CCDC57: variants seen among roughly 807,000 people sequenced by gnomAD.
CCDC57 encodes coiled-coil domain-containing protein 57.
A neutral mutation model predicts 118.9 loss-of-function variants in CCDC57; 118 were observed. That is an observed-to-expected ratio of 0.99 (90% CI 0.86 to 1.16). The LOEUF is 1.16. Ranked by LOEUF, CCDC57 falls within the 50% of genes most tolerant of loss-of-function variation. The pLI is 0.00. For synonymous variants in CCDC57, 527 were observed against 532.9 expected (o/e 0.99, Z 0.15); for missense variants, 1,300 against 1,320.7 (o/e 0.98, Z 0.24).
intron 5 of CCDC57, 170 bp from the exon 5 acceptor site, chr17:82,194,309 C>CTTTTTTTTTTTTTTTTT (rs10626911): frequency 2.1e-6 from 1 of 486,652 alleles, no homozygotes. Flanking sequence ...GACTCAATGA[C>CTTTTTTTTTTTTTTTTT]TTTTTTTTTT....
At chr17:82,190,681 G>A (rs1374051385) in intron 7 of CCDC57, among the ~76,000 whole-genome samples, 5 of 140,914 alleles carry the variant, frequency 3.5e-5, no homozygotes, top group Non-Finnish European at 6.0e-5. Flanking sequence ...GGGCAACAGA[G>A]CGAGACTCTG....
At chr17:82,205,560 C>T (rs938143261) in intron 2 of CCDC57, among the ~76,000 whole-genome samples, 1 of 152,204 alleles carries the variant, frequency 6.6e-6, no homozygotes, top group African/African-American at 2.4e-5. Context: ...TTCCTGTGCA[C>T]GTGCTACTCC....
chr17:82,176,428 T>C (rs116595319), intron 11 of CCDC57, among the ~76,000 whole-genome samples: 221 of 152,352 alleles, frequency 1.5e-3, no homozygotes, highest in African/African-American at 4.8e-3. Flanking sequence ...TTACCTCAAG[T>C]AGCGGAGCAT....
chr17:82,202,490 C>T lies in CCDC57; in HGVS notation c.-8-538G>A, dbSNP rs569183857. On this transcript the variant is annotated intron_variant, in intron 2 of 19. Transcript: ENST00000665763. ...AAAGGCCAGGCATGGTGGCTCACTCCTGTAATCCCAGCCCTTTGGGAGGCC... is the reference window on the plus strand; with the variant it reads ...AAAGGCCAGGCATGGTGGCTCACTCTTGTAATCCCAGCCCTTTGGGAGGCC... Among the ~76,000 whole-genome samples the T allele has an allele frequency of 5.3e-4, 80 of 151,836 alleles. 1 individual carries two copies. The South Asian group carries it at 0.017, about 32-fold the overall frequency.
At chr17:82,206,516 A>T (rs189224632) in intron 2 of CCDC57, among the ~76,000 whole-genome samples, 1 of 142,588 alleles carries the variant, frequency 7.0e-6, no homozygotes, top group Non-Finnish European at 1.5e-5. Flanking sequence ...TAAACACCCA[A>T]GAGGACAGGG....
At chr17:82,183,623 C>G in intron 9 of CCDC57, 151 bp downstream of exon 8, 1 of 765,830 alleles carries the variant, frequency 1.3e-6, no homozygotes, top group South Asian at 2.2e-5. Context: ...CCTGCGTGAC[C>G]AGACATTCTA....
chr17:82,189,809 C>A (rs902000306), intron 7 of CCDC57, among the ~76,000 whole-genome samples: 1 of 152,094 alleles, frequency 6.6e-6, no homozygotes, highest in African/African-American at 2.4e-5. Context: ...CCCGAGATCG[C>A]ACCACCAGCC....
intron 2 of CCDC57, among the ~76,000 whole-genome samples, chr17:82,206,069 C>CCA (rs35831755): frequency 0.76 from 115,308 of 152,074 alleles, 44,443 homozygotes; most frequent in East Asian, 0.93. Flanking sequence ...TCAAGAAGGA[C>CCA]CATGAAGCTT....
intron 17 of CCDC57, among the ~76,000 whole-genome samples, chr17:82,129,878 G>A (rs1047879817): frequency 1.1e-4 from 16 of 151,188 alleles, no homozygotes; most frequent in Non-Finnish European, 1.6e-4. Flanking sequence ...GCAACAGAGC[G>A]AAACTCTGTC....
intron 8 of CCDC57, 109 bp downstream of exon 7, chr17:82,188,110 G>C: frequency 1.2e-6 from 1 of 865,066 alleles, no homozygotes; most frequent in African/African-American, 1.8e-5. Context: ...AAGCCACTCT[G>C]TCTGCTGCCT....
At chr17:82,142,076 A>G (rs1210094458) in intron 16 of CCDC57, among the ~76,000 whole-genome samples, 1 of 152,240 alleles carries the variant, frequency 6.6e-6, no homozygotes, top group Non-Finnish European at 1.5e-5. Context: ...AACTGGTTAC[A>G]GCATCTGTCC....
At chr17:82,153,624 T>C (rs2042329260) in intron 15 of CCDC57, 1 of 152,256 alleles carries the variant, frequency 6.6e-6, no homozygotes. Context: ...TAAAATGTTA[T>C]TTGGTAAAAG....
chr17:82,102,896 A>C (rs1254982765), intron 19 of CCDC57, among the ~76,000 whole-genome samples: 2 of 151,852 alleles, frequency 1.3e-5, no homozygotes, highest in South Asian at 2.1e-4. Context: ...AAAAAAAAAA[A>C]AAACAAAAAA....
intron 19 of CCDC57, among the ~76,000 whole-genome samples, chr17:82,102,878 T>A (rs1280713672): frequency 7.0e-6 from 1 of 142,512 alleles, no homozygotes; most frequent in Non-Finnish European, 1.5e-5. Flanking sequence ...AAGGGCAAAC[T>A]CTATCTCAAA....
At chr17:82,133,389 A>G (rs72851605) in intron 17 of CCDC57, among the ~76,000 whole-genome samples, 23,551 of 146,112 alleles carry the variant, frequency 0.16, 2,415 homozygotes, top group Non-Finnish European at 0.22. Flanking sequence ...ACAAAAAAAA[A>G]AGAAGTTTTT....
At chr17:82,103,374 A>C (rs1314418077) in intron 19 of CCDC57, among the ~76,000 whole-genome samples, 1 of 152,028 alleles carries the variant, frequency 6.6e-6, no homozygotes, top group Non-Finnish European at 1.5e-5. Context: ...TCCAACCCCC[A>C]GAGGAATTCC....
chr17:82,123,745 T>G (rs940295643), intron 19 of CCDC57, among the ~76,000 whole-genome samples: 1 of 151,988 alleles, frequency 6.6e-6, no homozygotes, highest in Non-Finnish European at 1.5e-5. Flanking sequence ...ATCTAGAAAC[T>G]TAAGGAAAAA....
Position 82,124,340 on chromosome 17 carries a change from G to A in CCDC57, c.2899+3352C>T, listed in dbSNP as rs374320625. Among the ~76,000 whole-genome samples the A allele has an allele frequency of 1.2e-3, 184 of 152,304 alleles. 2 individuals carry two copies. The highest frequency in any genetic ancestry group is 4.1e-3 in the African/African-American group (169 of 41,562). ...GCAAAGTGCAGTATCTGTGGGGAAA[G>A]GGAAGAGAGAAGCTGTATCAGCTGT... On this transcript the variant is annotated intron_variant, in intron 19 of 19. Transcript: ENST00000665763.
intron 13 of CCDC57, 161 bp from the exon 13 acceptor site, chr17:82,163,518 T>A: frequency 1.4e-6 from 1 of 714,098 alleles, no homozygotes; most frequent in Admixed American, 2.9e-5. Context: ...GCAGATCTGG[T>A]CCACGTGAAG....
Sources: gnomAD v4.1 joint callset for allele counts (sites outside exome capture counted in the v4.1 genomes callset) on GRCh38, gnomAD v4.1.1 for gene constraint, MANE v1.5 for transcripts, NCBI Gene and HGNC (gene_info 2026-07-23, HGNC 2026-07-21) for gene names.